Variants in ATXN10 observed in about 807,000 individuals in gnomAD.
The protein encoded by ATXN10 is ataxin 10, also known as ataxin-10.
Under a neutral mutation model 52.9 loss-of-function variants are expected in ATXN10, and 28 were observed. The observed-to-expected ratio is 0.53, with a 90% CI of 0.39 to 0.73. ATXN10 has a LOEUF of 0.73. Ranked by LOEUF, ATXN10 falls within the 30% of genes least tolerant of loss-of-function variation. ATXN10 has a pLI of 0.00. For synonymous variants in ATXN10, 226 were observed against 221.5 expected (o/e 1.02, Z -0.18); for missense variants, 565 against 577.0 (o/e 0.98, Z 0.21).
At position 45,799,377 on chromosome 22, in the gene ATXN10, C is replaced by A. The variant is rs189651571; in HGVS notation, c.1174-7582C>A. ...TAAACCCCAATACCTTACAACGTGA[C>A]CTTATTTGGAAACAGTGTCATTGCC... On this transcript the variant is annotated intron_variant, in intron 9 of 11. Coordinates refer to ENST00000252934, the MANE Select transcript of ATXN10 (RefSeq NM_013236.4). Among the ~76,000 whole-genome samples the A allele has an allele frequency of 4.5e-3, 684 of 152,202 alleles. 7 individuals are homozygous for A. The highest frequency in any genetic ancestry group is 0.016 in the African/African-American group (657 of 41,534).
intron 3 of ATXN10, 55 bp from the exon 4 acceptor site, chr22:45,700,227 T>C: frequency 8.3e-7 from 1 of 1,208,820 alleles, no homozygotes; most frequent in Non-Finnish European, 1.2e-6. Flanking sequence ...AAGATGCATT[T>C]ATTTATTGTG....
rs1248212180 is a variant in ATXN10 at position 45,819,391 on chromosome 22, T to C, written c.1237+12369T>C. 1.3e-5 allele frequency among the ~76,000 whole-genome samples: 2 copies of C among 152,260 alleles called. No homozygotes were observed. The highest frequency in any genetic ancestry group is 3.9e-4 in the East Asian group (2 of 5,184). Reference sequence around the variant, plus strand: ...TTCCTTCAAATGCTGCCTCTGTGGGTAGGAAGCACACTCTGATTCCACTGA... The same window carrying C: ...TTCCTTCAAATGCTGCCTCTGTGGGCAGGAAGCACACTCTGATTCCACTGA... On this transcript the variant is annotated intron_variant, in intron 10 of 11. Transcript: ENST00000252934. This position sits in a 1 kb window ranked among gnomAD's most constrained non-coding sequence, Gnocchi z 4.5.
In ATXN10 at chr22:45,784,107, T is replaced by G. The variant is rs1356601141; in HGVS notation, c.1174-22852T>G. Among the ~76,000 whole-genome samples the G allele has an allele frequency of 6.6e-6, 1 of 152,176 alleles. No homozygotes were observed. Among genetic ancestry groups the G allele is most frequent in the African/African-American group, 2.4e-5 (1 of 41,432 alleles). On this transcript the variant is annotated intron_variant, in intron 9 of 11. Coordinates refer to ENST00000252934, the MANE Select transcript of ATXN10 (RefSeq NM_013236.4). The surrounding 1 kb of genome is among the most constrained non-coding windows in gnomAD (Gnocchi z 4.2). ...ACACTTTGAGGTTTTCCAGCACATT[T>G]AATATTATTTCAGCCATTCTCTCTT...
rs1927667729 is a variant in ATXN10, at chr22:45,795,245, A to G, written c.1174-11714A>G. Among the ~76,000 whole-genome samples the G allele has an allele frequency of 1.3e-5, 2 of 152,210 alleles. No individual in the cohort carries two copies. The highest frequency in any genetic ancestry group is 4.8e-5 in the African/African-American group (2 of 41,444). On this transcript the variant is annotated intron_variant, in intron 9 of 11. Transcript: ENST00000252934. The surrounding 1 kb of genome is among the most constrained non-coding windows in gnomAD (Gnocchi z 4.6). The stretch of plus-strand genomic sequence containing the variant: ...AAGAGTCTGGAAAATAAGAACAAAG[A>G]ATAGTGAAGACAAATAGAAAACAGA...
chr22:45,811,357 A>G (rs1455550903), intron 10 of ATXN10, among the ~76,000 whole-genome samples: 1 of 151,952 alleles, frequency 6.6e-6, no homozygotes, highest in Non-Finnish European at 1.5e-5. Context: ...TTTATTCTCA[A>G]CCTTTCTGTC....
chr22:45,765,541 C>T lies in ATXN10; in HGVS notation c.1173+25003C>T, dbSNP rs139024797. Among the ~76,000 whole-genome samples, 44 of 152,258 alleles carry T rather than the reference C, an allele frequency of 2.9e-4. 1 individual carries two copies. The East Asian group carries it at 7.5e-3, about 26-fold the overall frequency. ...GGGTTGATTGTGGTGGATTTGCTCCCCTCCTCCACCTGCACCTTGGCATTA... is the reference window on the plus strand; with the variant it reads ...GGGTTGATTGTGGTGGATTTGCTCCTCTCCTCCACCTGCACCTTGGCATTA... On this transcript the variant is annotated intron_variant, in intron 9 of 11. Transcript: ENST00000252934.
rs894888576 is a variant in ATXN10, at chr22:45,750,391, C to T, written c.1173+9853C>T. On this transcript the variant is annotated intron_variant, in intron 9 of 11. Transcript: ENST00000252934. The surrounding 1 kb of genome is among the most constrained non-coding windows in gnomAD (Gnocchi z 4.2). Reference sequence around the variant, plus strand: ...GATTACAGGTGTGAGTCACCACGCCCGGCCGACAACAGTGATTTTAAATGG... The same window carrying T: ...GATTACAGGTGTGAGTCACCACGCCTGGCCGACAACAGTGATTTTAAATGG... Among the ~76,000 whole-genome samples the T allele has an allele frequency of 1.3e-5, 2 of 152,056 alleles. No homozygotes were observed. Among genetic ancestry groups the T allele is most frequent in the East Asian group, 1.9e-4 (1 of 5,192 alleles).
chr22:45,760,145 T>G (rs1363672616), intron 9 of ATXN10, among the ~76,000 whole-genome samples: 1 of 152,186 alleles, frequency 6.6e-6, no homozygotes, highest in East Asian at 1.9e-4. Flanking sequence ...GCCCATGTAC[T>G]GGTGGCCTAG....
At chr22:45,755,254 G>A (rs369467556) in intron 9 of ATXN10, among the ~76,000 whole-genome samples, 20 of 152,232 alleles carry the variant, frequency 1.3e-4, no homozygotes, top group African/African-American at 4.6e-4. Context: ...TATTTTCATC[G>A]TGATAGGAAT....
intron 6 of ATXN10, among the ~76,000 whole-genome samples, chr22:45,722,535 T>G (rs1440064157): frequency 6.6e-6 from 1 of 152,204 alleles, no homozygotes; most frequent in Non-Finnish European, 1.5e-5. Context: ...AGTACCCACA[T>G]CGTTAGCTCT....
At chr22:45,722,149 TAA>T (rs1924678475) in intron 6 of ATXN10, among the ~76,000 whole-genome samples, 1 of 152,228 alleles carries the variant, frequency 6.6e-6, no homozygotes, top group Non-Finnish European at 1.5e-5. Context: ...CAATGTGTAA[TAA>T]TTCTAGACGG....
Position 45,816,397 on chromosome 22 carries a change from G to A in ATXN10, c.1237+9375G>A, listed in dbSNP as rs555455227. ...CCTCTCTTTCCTCCTTTTAGACTTC[G>A]GTCATGTATGTCTTCCTCTCAGAGT... On this transcript the variant is annotated intron_variant, in intron 10 of 11. Coordinates refer to ENST00000252934, the MANE Select transcript of ATXN10 (RefSeq NM_013236.4). The surrounding 1 kb of genome is among the most constrained non-coding windows in gnomAD (Gnocchi z 5.8). 3.0e-4 allele frequency among the ~76,000 whole-genome samples: 46 copies of A among 152,220 alleles called. No individual in the cohort carries two copies. Among genetic ancestry groups the A allele is most frequent in the Admixed American group, 2.4e-3 (37 of 15,300 alleles).
rs1928775863 is a variant in ATXN10 at position 45,825,156 on chromosome 22, G to C, written c.1238-17835G>C. On this transcript the variant is annotated intron_variant, in intron 10 of 11. Coordinates refer to ENST00000252934, the MANE Select transcript of ATXN10 (RefSeq NM_013236.4). The surrounding 1 kb of genome is among the most constrained non-coding windows in gnomAD (Gnocchi z 4.5). ...AAAAGACCCTGACATGCAAATATCT[G>C]GGGTCAGTGCTCTGATTACTGATTT... Among the ~76,000 whole-genome samples the C allele has an allele frequency of 6.6e-6, 1 of 152,130 alleles. No homozygotes were observed. The highest frequency in any genetic ancestry group is 1.5e-5 in the Non-Finnish European group (1 of 68,020).
At chr22:45,717,140 TC>T (rs1423244666) in intron 5 of ATXN10, among the ~76,000 whole-genome samples, 2 of 152,146 alleles carry the variant, frequency 1.3e-5, no homozygotes, top group Non-Finnish European at 2.9e-5. Context: ...AAATACCTCC[TC>T]TAGCCTGTTT....
At chr22:45,830,498 C>A (rs1054739393) in intron 10 of ATXN10, among the ~76,000 whole-genome samples, 4 of 152,060 alleles carry the variant, frequency 2.6e-5, no homozygotes, top group African/African-American at 9.6e-5. Context: ...ATAGAGAATT[C>A]ATAAAACTTA....
rs1042046452 is a variant in ATXN10, at chr22:45,718,833, T to G, written c.728+340T>G. Among the ~76,000 whole-genome samples, 1 of 152,182 alleles carries G rather than the reference T, an allele frequency of 6.6e-6. No individual in the cohort carries two copies. The highest frequency in any genetic ancestry group is 1.5e-5 in the Non-Finnish European group (1 of 68,030). ...AATATTTGAGGTGTACTCATTTGTT[T>G]AGGTCATGGGTGTTATTATTTGTGA... On this transcript the variant is annotated intron_variant, in intron 6 of 11. Transcript: ENST00000252934. This position sits in a 1 kb window ranked among gnomAD's most constrained non-coding sequence, Gnocchi z 4.4.
At chr22:45,729,140 G>A (rs1437609054) in intron 6 of ATXN10, among the ~76,000 whole-genome samples, 1 of 152,154 alleles carries the variant, frequency 6.6e-6, no homozygotes, top group African/African-American at 2.4e-5. Flanking sequence ...AAAAAACTGA[G>A]CATGTCTAAA....
At chr22:45,809,401 A>G (rs889614033) in intron 10 of ATXN10, among the ~76,000 whole-genome samples, 2 of 152,202 alleles carry the variant, frequency 1.3e-5, no homozygotes, top group Admixed American at 1.3e-4. Context: ...AAGGCATTCA[A>G]TAAGGGAACA....
rs916549073 is a variant in ATXN10 at position 45,786,065 on chromosome 22, A to G, written c.1174-20894A>G. On this transcript the variant is annotated intron_variant, in intron 9 of 11. Coordinates refer to ENST00000252934, the MANE Select transcript of ATXN10 (RefSeq NM_013236.4). The surrounding 1 kb of genome is among the most constrained non-coding windows in gnomAD (Gnocchi z 4.1). ...CTAATTTCATTCATTATTTAAACAA[A>G]GATTTTATCTGCTAGTTGAATAATT... Among the ~76,000 whole-genome samples, 2 of 152,196 alleles carry G rather than the reference A, an allele frequency of 1.3e-5. No individual in the cohort carries two copies. Among genetic ancestry groups the G allele is most frequent in the Admixed American group, 1.3e-4 (2 of 15,276 alleles).
Sources: allele counts gnomAD v4.1 joint callset (sites outside exome capture counted in the v4.1 genomes callset), GRCh38; gene constraint gnomAD v4.1.1; non-coding constraint Gnocchi (gnomAD v3.1); transcripts MANE v1.5; gene names NCBI Gene and HGNC (gene_info 2026-07-23, HGNC 2026-07-21).